CNTN4: variants seen among roughly 807,000 people sequenced by gnomAD.
The protein encoded by CNTN4 is contactin-4.
CNTN4 carries 77 observed loss-of-function variants against 122.5 expected under a neutral mutation model. The ratio of observed to expected loss-of-function variants is 0.63; its 90% CI spans 0.52 to 0.76. The LOEUF (loss-of-function observed/expected upper bound fraction) is 0.76, where lower values mean the gene tolerates loss of function less well. CNTN4 is among the 30% of genes least tolerant of loss of function. CNTN4 has a pLI of 0.00. For synonymous variants in CNTN4, 512 were observed against 447.0 expected (o/e 1.15, Z -1.83); for missense variants, 1,256 against 1,259.1 (o/e 1.00, Z 0.04).
rs1035280782 is a variant in CNTN4, at chr3:2,607,478, G to A, written c.55+35920G>A. 2.6e-5 allele frequency among the ~76,000 whole-genome samples: 4 copies of A among 152,098 alleles called. 1 individual carries two copies. In the East Asian group the frequency reaches 7.7e-4, roughly 29 times the overall value. ...TAAAGTAACTGAATTAAAGCTGTAT[G>A]TATCAATAAGAATAACTGCAAAAAT... On this transcript the variant is annotated intron_variant, in intron 4 of 24. Transcript: ENST00000418658.
At chr3:2,555,028 A>G (rs2078662835) in intron 3 of CNTN4, among the ~76,000 whole-genome samples, 1 of 152,216 alleles carries the variant, frequency 6.6e-6, no homozygotes, top group Non-Finnish European at 1.5e-5. Flanking sequence ...TCTGTTGGCT[A>G]ACTCAGTTCC....
chr3:2,960,846 T>C (rs886137853), intron 13 of CNTN4, among the ~76,000 whole-genome samples: 5 of 152,158 alleles, frequency 3.3e-5, no homozygotes, highest in Admixed American at 2.0e-4. Context: ...GGTAGTAGAA[T>C]GGATGCAAGC....
intron 3 of CNTN4, among the ~76,000 whole-genome samples, chr3:2,354,643 A>C (rs2044791470): frequency 6.6e-6 from 1 of 152,196 alleles, no homozygotes; most frequent in East Asian, 1.9e-4. Flanking sequence ...GTGAAGTACT[A>C]ATAGGGACTT....
At chr3:2,555,831 G>A (rs2078698089) in intron 3 of CNTN4, among the ~76,000 whole-genome samples, 1 of 152,160 alleles carries the variant, frequency 6.6e-6, no homozygotes. Flanking sequence ...TTGTACTATG[G>A]TAATATAGCT....
chr3:2,780,311 G>C (rs1208143659), intron 6 of CNTN4, among the ~76,000 whole-genome samples: 1 of 152,132 alleles, frequency 6.6e-6, no homozygotes, highest in Non-Finnish European at 1.5e-5. Context: ...TTACAGTATA[G>C]GAGATCATGT....
intron 3 of CNTN4, among the ~76,000 whole-genome samples, chr3:2,542,629 A>G (rs2078078732): frequency 6.6e-6 from 1 of 152,112 alleles, no homozygotes; most frequent in Admixed American, 6.6e-5. Context: ...AGGTACAAAT[A>G]TTTCCAGATT....
chr3:2,759,379 T>G (rs1164455021), intron 6 of CNTN4, among the ~76,000 whole-genome samples: 2 of 152,138 alleles, frequency 1.3e-5, no homozygotes, highest in Non-Finnish European at 2.9e-5. Flanking sequence ...ACTCCTGACC[T>G]CAGGTGATCT....
chr3:2,354,766 C>G (rs951227508), intron 3 of CNTN4, among the ~76,000 whole-genome samples: 1 of 152,022 alleles, frequency 6.6e-6, no homozygotes, highest in Non-Finnish European at 1.5e-5. Flanking sequence ...ATTGCTTACA[C>G]GGGTTTCTGT....
At chr3:2,177,043 A>G (rs959629542) in intron 2 of CNTN4, among the ~76,000 whole-genome samples, 1 of 152,132 alleles carries the variant, frequency 6.6e-6, no homozygotes, top group African/African-American at 2.4e-5. Context: ...TTTTTAGTAA[A>G]GGTCATTTGA....
chr3:2,294,763 G>T (rs2042248009), intron 2 of CNTN4, among the ~76,000 whole-genome samples: 1 of 152,064 alleles, frequency 6.6e-6, no homozygotes, highest in Non-Finnish European at 1.5e-5. Context: ...TGCCATGTTG[G>T]TGTGCTGCAC....
intron 3 of CNTN4, among the ~76,000 whole-genome samples, chr3:2,507,859 T>TTC (rs1174076959): frequency 1.3e-5 from 2 of 151,602 alleles, no homozygotes; most frequent in African/African-American, 2.4e-5. Context: ...AAACAATTTG[T>TTC]TCTCTCTCTC....
chr3:2,173,957 A>G (rs2036628504), intron 2 of CNTN4, among the ~76,000 whole-genome samples: 1 of 152,230 alleles, frequency 6.6e-6, no homozygotes, highest in Non-Finnish European at 1.5e-5. Context: ...TTTATTGTCA[A>G]ACAGGCTGTG....
intron 3 of CNTN4, among the ~76,000 whole-genome samples, chr3:2,468,671 G>A (rs2151485297): frequency 6.6e-6 from 1 of 152,096 alleles, no homozygotes; most frequent in South Asian, 2.1e-4. Context: ...CTATCTCAGA[G>A]GTTCATTCAT....
At chr3:2,752,711 T>G (rs1264943856) in intron 6 of CNTN4, among the ~76,000 whole-genome samples, 1 of 152,116 alleles carries the variant, frequency 6.6e-6, no homozygotes, top group Admixed American at 6.6e-5. Flanking sequence ...AACTTATCCC[T>G]CCTATCTAGC....
chr3:2,689,403 A>G (rs935478662), intron 4 of CNTN4, among the ~76,000 whole-genome samples: 14 of 152,156 alleles, frequency 9.2e-5, no homozygotes, highest in African/African-American at 2.4e-4. Context: ...GAGCAAGCCT[A>G]TGGTAGAGGG....
At chr3:2,673,329 C>A (rs963216058) in intron 4 of CNTN4, among the ~76,000 whole-genome samples, 3 of 152,108 alleles carry the variant, frequency 2.0e-5, no homozygotes, top group African/African-American at 7.2e-5. Flanking sequence ...CTTCTCCTGG[C>A]CCAACTAGAT....
At chr3:3,034,883 A>G in intron 17 of CNTN4, 93 bp downstream of exon 17, 1 of 1,276,978 alleles carries the variant, frequency 7.8e-7, no homozygotes, top group East Asian at 2.3e-5. Context: ...TCATTCAGAC[A>G]CTACTACAAA....
chr3:2,436,392 GA>G (rs1575625442), intron 3 of CNTN4, among the ~76,000 whole-genome samples: 1 of 152,162 alleles, frequency 6.6e-6, no homozygotes, highest in East Asian at 1.9e-4. Flanking sequence ...AAGGCATTCT[GA>G]AGGACTCAGC....
chr3:2,235,066 A>C (rs540882507), intron 2 of CNTN4, among the ~76,000 whole-genome samples: 1 of 152,282 alleles, frequency 6.6e-6, no homozygotes, highest in South Asian at 2.1e-4. Flanking sequence ...GCTGTCTCAG[A>C]GCTTACTCAG....
Sources: allele counts gnomAD v4.1 joint callset (sites outside exome capture counted in the v4.1 genomes callset), GRCh38; gene constraint gnomAD v4.1.1; transcripts MANE v1.5; gene names NCBI Gene and HGNC (gene_info 2026-07-23, HGNC 2026-07-21).